GALNT3: variants seen among roughly 807,000 people sequenced by gnomAD.
The protein encoded by GALNT3 is polypeptide N-acetylgalactosaminyltransferase 3.
Under a neutral mutation model 69.8 loss-of-function variants are expected in GALNT3, and 51 were observed. The observed-to-expected ratio is 0.73, with a 90% CI of 0.58 to 0.92. The LOEUF is 0.92. GALNT3 is among the 40% of genes least tolerant of loss of function. The probability of loss-of-function intolerance (pLI) is 0.00; values close to 1 mark genes in which losing one functional copy is unlikely to be tolerated. For synonymous variants in GALNT3, 265 were observed against 248.5 expected (o/e 1.07, Z -0.63); for missense variants, 711 against 760.0 (o/e 0.94, Z 0.76).
intron 9 of GALNT3, among the ~76,000 whole-genome samples, chr2:165,750,280 A>G: frequency 6.6e-6 from 1 of 152,180 alleles, no homozygotes; most frequent in East Asian, 1.9e-4. Flanking sequence ...TCACTAAACT[A>G]GGGACTTCAG....
At chr2:165,749,002 G>T in intron 10 of GALNT3, 99 bp from the exon 11 acceptor site, 4 of 1,267,244 alleles carry the variant, frequency 3.2e-6, no homozygotes, top group Non-Finnish European at 4.5e-6. Flanking sequence ...AAACCTAATA[G>T]CAAATCTTTC....
chr2:165,790,819 T>A (rs1349897675), intron 1 of GALNT3, among the ~76,000 whole-genome samples: 1 of 152,176 alleles, frequency 6.6e-6, no homozygotes, highest in Non-Finnish European at 1.5e-5. Context: ...ATTTGTCTCA[T>A]ACTTGTTTCA....
At chr2:165,755,212 T>C in intron 7 of GALNT3, 149 bp from the exon 8 acceptor site, 1 of 782,836 alleles carries the variant, frequency 1.3e-6, no homozygotes, top group Non-Finnish European at 2.1e-6. Flanking sequence ...CATCATTCAT[T>C]CAAGTAAAAA....
In GALNT3 at chr2:165,748,216, C is replaced by A. The variant is rs1688294029; in HGVS notation, c.*565G>T. The A allele has an allele frequency of 5.0e-6, 1 of 199,050 alleles. No homozygotes were observed. Among genetic ancestry groups the A allele is most frequent in the Admixed American group, 6.0e-5 (1 of 16,640 alleles). The allele number at this position is 199,050 out of a possible 1,614,324, so 12.3% of individuals were successfully genotyped here. ...TTTAAGTGTTAAAAATACTCTTCTC[C>A]TTATTCAGTTTCATGTTTAAGGAAA... On this transcript the variant is annotated 3_prime_UTR_variant, in exon 11 of 11. Transcript: ENST00000392701.
chr2:165,786,422 G>T (rs1257117017), intron 1 of GALNT3, among the ~76,000 whole-genome samples: 1 of 152,120 alleles, frequency 6.6e-6, no homozygotes, highest in African/African-American at 2.4e-5. Flanking sequence ...GCAGGAGATT[G>T]GTTCCACAAC....
rs141461225 is a variant in GALNT3 at position 165,772,868 on chromosome 2, G to A, written c.-108-2060C>T. Among the ~76,000 whole-genome samples, 1,162 of 152,282 alleles carry A rather than the reference G, an allele frequency of 7.6e-3. 17 individuals are homozygous for A. The highest frequency in any genetic ancestry group is 0.027 in the African/African-American group (1,117 of 41,556). The stretch of plus-strand genomic sequence containing the variant: ...AAGATCAGTTCATAAAAACCCTTGT[G>A]CATCTTTCAGTGAATTTGGAAATTA... On this transcript the variant is annotated intron_variant, in intron 1 of 10. Coordinates refer to ENST00000392701, the MANE Select transcript of GALNT3 (RefSeq NM_004482.4).
chr2:165,752,569 T>G (rs1029962730), intron 9 of GALNT3, among the ~76,000 whole-genome samples: 11 of 152,160 alleles, frequency 7.2e-5, no homozygotes, highest in African/African-American at 2.4e-4. Context: ...CTATTTAAAA[T>G]GTAAACATAT....
In GALNT3 at chr2:165,747,679, A is replaced by G. The variant is rs1688284039; in HGVS notation, c.*1102T>C. The G allele has an allele frequency of 6.5e-6, 1 of 153,840 alleles. No homozygotes were observed. The highest frequency in any genetic ancestry group is 2.4e-5 in the African/African-American group (1 of 41,460). The allele number at this position is 153,840 out of a possible 1,614,324, so 9.5% of individuals were successfully genotyped here. On this transcript the variant is annotated 3_prime_UTR_variant, in exon 11 of 11. Transcript: ENST00000392701. ...TGCTATTCCTCATTTTTTGTGCCAT[A>G]AGAAATATCTGATGGTTTTACAAAC...
chr2:165,790,952 G>A (rs927448739), intron 1 of GALNT3, among the ~76,000 whole-genome samples: 1 of 152,012 alleles, frequency 6.6e-6, no homozygotes, highest in Admixed American at 6.6e-5. Context: ...AACTTTAAGA[G>A]TTCAGAATAG....
At chr2:165,766,300 C>A (rs1197883300) in intron 2 of GALNT3, among the ~76,000 whole-genome samples, 1 of 152,196 alleles carries the variant, frequency 6.6e-6, no homozygotes, top group Non-Finnish European at 1.5e-5. Context: ...ATTGATTGGG[C>A]ACAGGGAGAG....
intron 9 of GALNT3, among the ~76,000 whole-genome samples, chr2:165,751,476 G>C (rs1231090219): frequency 6.6e-6 from 1 of 152,156 alleles, no homozygotes; most frequent in African/African-American, 2.4e-5. Context: ...GGCTAAGAAA[G>C]ATAAGCCTTA....
In GALNT3 at chr2:165,770,324, T is replaced by C; in HGVS notation, c.377A>G (p.Lys126Arg). 6.2e-7 allele frequency: 1 copy of C among 1,614,144 alleles called. No homozygotes were observed. The highest frequency in any genetic ancestry group is 8.5e-7 in the Non-Finnish European group (1 of 1,180,030). ...QDSNAPGASG[K>R]AFKTTNLSVE... ...ACTTAAATTGGTTGTCTTGAATGCT[T>C]TACCAGAAGCACCAGGTGCATTTGA... Residue 126 changes from lysine to arginine, a missense_variant, in exon 2 of 11, where the codon AAA becomes AGA. Lys to Arg is a conservative substitution (Grantham distance 26). Transcript: ENST00000392701.
At chr2:165,751,620 G>A (rs1363921709) in intron 9 of GALNT3, among the ~76,000 whole-genome samples, 1 of 152,156 alleles carries the variant, frequency 6.6e-6, no homozygotes, top group Non-Finnish European at 1.5e-5. Context: ...TTGGATAACT[G>A]TGAATGTTGG....
rs886042853 is a variant in GALNT3, at chr2:165,749,827, G to A, written c.1694C>T (p.Ala565Val). Residue 565 changes from alanine to valine, a missense_variant, in exon 10 of 11, where the codon GCT (alanine) becomes GTT (valine). Transcript: ENST00000392701. ...TGCCTTCAGCTGAACGAGACCTTGA[G>A]CAGCATGAAGACATAATTCCTTCTG... is the stretch of plus-strand genomic sequence containing the variant. Reference protein sequence around the residue: ...NIQKELCLHAAQGLVQLKACT... With the variant: ...NIQKELCLHAVQGLVQLKACT... The A allele has an allele frequency of 1.2e-6, 2 of 1,613,478 alleles. No homozygotes were observed. Among genetic ancestry groups the A allele is most frequent in the African/African-American group, 1.3e-5 (1 of 75,012 alleles).
At chr2:165,767,012 G>C (rs907133573) in intron 2 of GALNT3, among the ~76,000 whole-genome samples, 3 of 152,078 alleles carry the variant, frequency 2.0e-5, no homozygotes, top group South Asian at 4.1e-4. Flanking sequence ...ACAGGTGCAT[G>C]GGCGGAAAAA....
chr2:165,772,445 T>G (rs1020881659), intron 1 of GALNT3, among the ~76,000 whole-genome samples: 2 of 151,662 alleles, frequency 1.3e-5, no homozygotes, highest in African/African-American at 4.8e-5. Flanking sequence ...ATTAGTCAAA[T>G]GTGGTGGTGC....
In GALNT3 at chr2:165,770,431, A is replaced by G. The variant is rs1475261798; in HGVS notation, c.270T>C (p.Ile90=). Residue 90 remains isoleucine (I), a synonymous_variant, in exon 2 of 11, where the codon ATT becomes ATC. Coordinates refer to ENST00000392701, the MANE Select transcript of GALNT3 (RefSeq NM_004482.4). ...MQIGAPVRQN[I]DAGERPCLQG... is the part of the protein sequence containing the mutation. ...GCAAACAAGGTCTCTCACCAGCATC[A>G]ATGTTTTGCCTGACAGGTGCTCCTA... 5 of 1,614,080 alleles carry G rather than the reference A, an allele frequency of 3.1e-6. No individual in the cohort carries two copies. The East Asian group carries it at 6.7e-5, about 22-fold the overall frequency.
intron 1 of GALNT3, among the ~76,000 whole-genome samples, chr2:165,782,824 G>C (rs566239894): frequency 6.6e-6 from 1 of 152,238 alleles, no homozygotes; most frequent in East Asian, 1.9e-4. Flanking sequence ...ATTGACTTAG[G>C]TCTGAAAACT....
At chr2:165,765,798 T>C (rs373112991) in intron 2 of GALNT3, among the ~76,000 whole-genome samples, 2 of 152,194 alleles carry the variant, frequency 1.3e-5, no homozygotes, top group East Asian at 3.8e-4. Flanking sequence ...TATTAAATCA[T>C]TTTTATAAAG....
Sources: gnomAD v4.1 joint callset for allele counts (sites outside exome capture counted in the v4.1 genomes callset) on GRCh38, gnomAD v4.1.1 for gene constraint, MANE v1.5 for transcripts, NCBI Gene and HGNC (gene_info 2026-07-23, HGNC 2026-07-21) for gene names.